MOB3B: variants seen among roughly 807,000 people sequenced by gnomAD.
MOB3B encodes the protein MOB kinase activator 3B, also known as MOB kinase activator-like 2B.
Under a neutral mutation model 18.7 loss-of-function variants are expected in MOB3B, and 7 were observed. That is an observed-to-expected ratio of 0.37 (90% CI 0.21 to 0.70). The LOEUF is 0.70. MOB3B is among the 30% of genes least tolerant of loss of function. The pLI is 0.52. For synonymous variants in MOB3B, 111 were observed against 99.9 expected (o/e 1.11, Z -0.66); for missense variants, 253 against 281.3 (o/e 0.90, Z 0.72).
Position 27,342,807 on chromosome 9 carries a change from C to G in MOB3B, c.622-12191G>C, listed in dbSNP as rs181861835. 2.2e-4 allele frequency among the ~76,000 whole-genome samples: 33 copies of G among 151,558 alleles called. No individual in the cohort carries two copies. The South Asian group carries it at 2.5e-3, about 11-fold the overall frequency. On this transcript the variant is annotated intron_variant, in intron 3 of 3. Coordinates refer to ENST00000262244, the MANE Select transcript of MOB3B (RefSeq NM_024761.5). Reference sequence around the variant, plus strand: ...GGCTGGAGTGCAGTGGCCTGATCTCCGCTCGCTACAACCTCCACCTCCCAG... The same window carrying G: ...GGCTGGAGTGCAGTGGCCTGATCTCGGCTCGCTACAACCTCCACCTCCCAG...
intron 2 of MOB3B, among the ~76,000 whole-genome samples, chr9:27,366,122 G>A (rs1028675785): frequency 2.0e-5 from 3 of 152,172 alleles, no homozygotes; most frequent in African/African-American, 7.2e-5. Context: ...TGATGAGACA[G>A]CCTTGTAGCC....
chr9:27,409,189 G>A (rs1316997115), intron 2 of MOB3B, among the ~76,000 whole-genome samples: 1 of 152,216 alleles, frequency 6.6e-6, no homozygotes, highest in African/African-American at 2.4e-5. Context: ...CTACGTGCCA[G>A]TTATTGTTCT....
intron 1 of MOB3B, among the ~76,000 whole-genome samples, chr9:27,502,095 AATGTG>A (rs1820001031): frequency 6.6e-6 from 1 of 152,128 alleles, no homozygotes; most frequent in African/African-American, 2.4e-5. Flanking sequence ...TCTCCCTACA[AATGTG>A]ACAGATCTCC....
chr9:27,369,240 G>T (rs929433225), intron 2 of MOB3B, among the ~76,000 whole-genome samples: 2 of 152,098 alleles, frequency 1.3e-5, no homozygotes, highest in Non-Finnish European at 2.9e-5. Flanking sequence ...TGAAAGCCAG[G>T]TTCTTTGTCA....
At chr9:27,339,837 AGGGACTCGGCT>A (rs1820915203) in intron 3 of MOB3B, among the ~76,000 whole-genome samples, 1 of 152,242 alleles carries the variant, frequency 6.6e-6, no homozygotes, top group Non-Finnish European at 1.5e-5. Flanking sequence ...CCACGGGAGT[AGGGACTCGGCT>A]GGCAGGACCG....
chr9:27,498,930 C>T (rs1233125409), intron 1 of MOB3B, among the ~76,000 whole-genome samples: 1 of 152,156 alleles, frequency 6.6e-6, no homozygotes, highest in Non-Finnish European at 1.5e-5. Context: ...CAAAATAGGC[C>T]TGTGGACCTC....
At chr9:27,488,766 C>G (rs936223533) in intron 1 of MOB3B, among the ~76,000 whole-genome samples, 1 of 152,186 alleles carries the variant, frequency 6.6e-6, no homozygotes. Flanking sequence ...GACAACCAAA[C>G]AGGATGCCCC....
intron 1 of MOB3B, chr9:27,524,456 C>A (rs1357173636): frequency 8.1e-6 from 13 of 1,613,934 alleles, no homozygotes; most frequent in Admixed American, 1.7e-5. Context: ...TGAGAAGAGT[C>A]ACCTGGCAAA....
chr9:27,487,340 G>T (rs1013650608), intron 1 of MOB3B, among the ~76,000 whole-genome samples: 19 of 152,054 alleles, frequency 1.2e-4, no homozygotes, highest in African/African-American at 4.6e-4. Flanking sequence ...AACATCCCCT[G>T]CCCAGAGATC....
chr9:27,357,790 A>G (rs1397789164), intron 3 of MOB3B, among the ~76,000 whole-genome samples: 2 of 149,860 alleles, frequency 1.3e-5, no homozygotes, highest in Non-Finnish European at 1.5e-5. Flanking sequence ...GGTGGCTCAC[A>G]CCTGTAATCC....
At chr9:27,409,808 A>G (rs1822037357) in intron 2 of MOB3B, among the ~76,000 whole-genome samples, 1 of 152,230 alleles carries the variant, frequency 6.6e-6, no homozygotes, top group Non-Finnish European at 1.5e-5. Flanking sequence ...ATGCTAGGTG[A>G]TATAAGCCAG....
At position 27,426,913 on chromosome 9, in the gene MOB3B, G is replaced by A. The variant is rs562310123; in HGVS notation, c.418+28220C>T. 2.0e-5 allele frequency among the ~76,000 whole-genome samples: 3 copies of A among 152,342 alleles called. No individual in the cohort carries two copies. The South Asian group carries it at 6.2e-4, about 32-fold the overall frequency. ...CAGAGAGATGGAGGGTAATGGAATA[G>A]GCGGGATGCTTGATTTTTCTTGCAG... On this transcript the variant is annotated intron_variant, in intron 2 of 3. Transcript: ENST00000262244.
Position 27,342,485 on chromosome 9 carries a change from G to A in MOB3B, c.622-11869C>T, listed in dbSNP as rs186765065. On this transcript the variant is annotated intron_variant, in intron 3 of 3. Coordinates refer to ENST00000262244, the MANE Select transcript of MOB3B (RefSeq NM_024761.5). ...CCCTCGTCTCCCTCTCCCTCTCCCC[G>A]GTCTCCCTCTGATGCCACCAAAGTT... 9.0e-3 allele frequency among the ~76,000 whole-genome samples: 1,075 copies of A among 119,966 alleles called. 7 individuals are homozygous for A. Among genetic ancestry groups the A allele is most frequent in the African/African-American group, 0.033 (996 of 30,578 alleles). The allele number at this position is 119,966 out of a possible 152,430, so 78.7% of individuals were successfully genotyped here. A position where few individuals can be genotyped will look rare whatever the true frequency, so the allele number is the denominator to read the frequency against.
At chr9:27,342,267 T>C (rs1767504858) in intron 3 of MOB3B, among the ~76,000 whole-genome samples, 1 of 152,188 alleles carries the variant, frequency 6.6e-6, no homozygotes, top group Admixed American at 6.5e-5. Flanking sequence ...AAGCTGCCTT[T>C]CCAAAACTGA....
intron 2 of MOB3B, among the ~76,000 whole-genome samples, chr9:27,451,364 C>A (rs1227476329): frequency 1.3e-5 from 2 of 152,078 alleles, no homozygotes; most frequent in African/African-American, 4.8e-5. Flanking sequence ...TAAAAGAAGC[C>A]AGAAAAGGTT....
At chr9:27,509,675 C>A (rs1254664566) in intron 1 of MOB3B, among the ~76,000 whole-genome samples, 2 of 152,002 alleles carry the variant, frequency 1.3e-5, no homozygotes, top group East Asian at 3.9e-4. Flanking sequence ...CCTCAGCCTC[C>A]CAAAGTGCTG....
At chr9:27,479,749 T>C (rs1819618378) in intron 1 of MOB3B, among the ~76,000 whole-genome samples, 1 of 152,200 alleles carries the variant, frequency 6.6e-6, no homozygotes. Flanking sequence ...GGCCCTTGCA[T>C]TACGTGATAG....
At chr9:27,430,376 G>T (rs1822399801) in intron 2 of MOB3B, among the ~76,000 whole-genome samples, 2 of 152,112 alleles carry the variant, frequency 1.3e-5, no homozygotes, top group African/African-American at 4.8e-5. Context: ...TGGAGCCATG[G>T]TTTTCAAATT....
intron 2 of MOB3B, among the ~76,000 whole-genome samples, chr9:27,370,274 T>C (rs1821397290): frequency 6.6e-6 from 1 of 151,914 alleles, no homozygotes; most frequent in Non-Finnish European, 1.5e-5. Context: ...TTTGGGAGGC[T>C]AAGGTGGGCA....
Sources: allele counts gnomAD v4.1 joint callset (sites outside exome capture counted in the v4.1 genomes callset), GRCh38; gene constraint gnomAD v4.1.1; transcripts MANE v1.5; gene names NCBI Gene and HGNC (gene_info 2026-07-23, HGNC 2026-07-21).